MARCHF11: variants seen among roughly 807,000 people sequenced by gnomAD.
MARCHF11 encodes the protein E3 ubiquitin-protein ligase MARCHF11.
In MARCHF11, 29 loss-of-function variants were observed where a neutral mutation model predicts 37.3. That is an observed-to-expected ratio of 0.78 (90% CI 0.58 to 1.06). The LOEUF is 1.06. Ranked by LOEUF, MARCHF11 falls within the 50% of genes least tolerant of loss-of-function variation. MARCHF11 has a pLI of 0.00. For missense variants in MARCHF11, 482 were observed against 533.4 expected (o/e 0.90, Z 0.95); for synonymous variants, 233 against 228.0 (o/e 1.02, Z -0.20).
At chr5:16,119,503 G>A (rs1237395921) in intron 2 of MARCHF11, among the ~76,000 whole-genome samples, 1 of 152,044 alleles carries the variant, frequency 6.6e-6, no homozygotes, top group African/African-American at 2.4e-5. Context: ...TACCTCATCT[G>A]GTACCTCCAG....
intron 2 of MARCHF11, among the ~76,000 whole-genome samples, chr5:16,120,868 C>A (rs1579393531): frequency 6.6e-6 from 1 of 152,278 alleles, no homozygotes. Context: ...AGTGTCCTGG[C>A]AGCTTCTAGA....
chr5:16,070,916 A>C (rs919859556), intron 3 of MARCHF11, among the ~76,000 whole-genome samples: 9 of 152,130 alleles, frequency 5.9e-5, no homozygotes, highest in Non-Finnish European at 1.0e-4. Context: ...TTCCATTCCC[A>C]TTCCCAAGGC....
chr5:16,080,394 T>C (rs1441974322), intron 3 of MARCHF11, among the ~76,000 whole-genome samples: 1 of 152,126 alleles, frequency 6.6e-6, no homozygotes, highest in Non-Finnish European at 1.5e-5. Context: ...CTGCTGCTCC[T>C]CTCACCAAAG....
chr5:16,093,080 G>C (rs2126558322), intron 2 of MARCHF11, among the ~76,000 whole-genome samples: 1 of 152,222 alleles, frequency 6.6e-6, no homozygotes, highest in East Asian at 1.9e-4. Context: ...TTACCCTTTA[G>C]CAATTTATTA....
intron 2 of MARCHF11, among the ~76,000 whole-genome samples, chr5:16,096,437 C>T (rs1560973361): frequency 6.6e-6 from 1 of 152,130 alleles, no homozygotes; most frequent in Non-Finnish European, 1.5e-5. Context: ...CATGTAAGTG[C>T]CCAGAGATGT....
chr5:16,170,709 A>G (rs1738249064), intron 2 of MARCHF11, among the ~76,000 whole-genome samples: 1 of 152,176 alleles, frequency 6.6e-6, no homozygotes, highest in South Asian at 2.1e-4. Context: ...AATGAATGTC[A>G]GCAATATTGA....
chr5:16,133,384 C>T (rs572862974), intron 2 of MARCHF11, among the ~76,000 whole-genome samples: 25 of 152,188 alleles, frequency 1.6e-4, no homozygotes, highest in Admixed American at 3.3e-4. Context: ...ATCAGCCAGC[C>T]GCCAGTGCCC....
At chr5:16,087,575 C>A (rs1736719454) in intron 3 of MARCHF11, among the ~76,000 whole-genome samples, 2 of 152,138 alleles carry the variant, frequency 1.3e-5, no homozygotes, top group African/African-American at 2.4e-5. Flanking sequence ...ACTCAATGGC[C>A]AAATTTAGCT....
chr5:16,134,599 C>T (rs529617857), intron 2 of MARCHF11, among the ~76,000 whole-genome samples: 117 of 152,062 alleles, frequency 7.7e-4, no homozygotes, highest in Non-Finnish European at 1.4e-3. Flanking sequence ...TGAAATAAAA[C>T]AACAGAAGAA....
At chr5:16,075,942 C>T (rs961717698) in intron 3 of MARCHF11, among the ~76,000 whole-genome samples, 3 of 152,176 alleles carry the variant, frequency 2.0e-5, no homozygotes, top group Non-Finnish European at 4.4e-5. Flanking sequence ...CTGTCTCCTC[C>T]ACTGTCTTGC....
At chr5:16,107,333 G>GT (rs112606913) in intron 2 of MARCHF11, among the ~76,000 whole-genome samples, 35,019 of 145,334 alleles carry the variant, frequency 0.24, 4,592 homozygotes, top group African/African-American at 0.36. Flanking sequence ...AAGCACTATT[G>GT]TTTTTTTTTT....
At chr5:16,123,931 G>A (rs1041482220) in intron 2 of MARCHF11, among the ~76,000 whole-genome samples, 1 of 152,114 alleles carries the variant, frequency 6.6e-6, no homozygotes, top group South Asian at 2.1e-4. Flanking sequence ...ATGGATCAAT[G>A]GGATAGAACA....
rs74524863 is a variant in MARCHF11, at chr5:16,091,079, C to A, written c.696G>T (p.Trp232Cys). 1 of 1,571,922 alleles carries A rather than the reference C, an allele frequency of 6.4e-7. No individual in the cohort carries two copies. ...CAACCAGTGTTATAGAAATGCTCTG[C>A]CACTAAAAGAAAAACAGAGGCATGT... ...IAIKMKQPCQ[W>C]QSISITLVEK... is the part of the protein sequence containing the mutation. The change falls in exon 3 of 4, where the codon TGG becomes TGT. Residue 232 changes from tryptophan to cysteine, a missense_variant and splice_region_variant. By Grantham distance (215) the Trp-to-Cys change is radical. Coordinates refer to ENST00000332432, the MANE Select transcript of MARCHF11 (RefSeq NM_001102562.3).
rs56782867 is a variant in MARCHF11, at chr5:16,085,939, C to CAAAAAAAAAAAA, written c.886+4938_886+4949dup. Among the ~76,000 whole-genome samples, 31 of 40,968 alleles carry CAAAAAAAAAAAA rather than the reference C, an allele frequency of 7.6e-4. 4 individuals carry two copies. The highest frequency in any genetic ancestry group is 4.0e-3 in the South Asian group (3 of 752). The allele number at this position is 40,968 out of a possible 152,430, so 26.9% of individuals were successfully genotyped here. ...TGGGCGAAAGAGCAAGACTCCATCTCAAAAAAAAAAAAAAAAAAAAAAAAA... is the reference window on the plus strand; with the variant it reads ...TGGGCGAAAGAGCAAGACTCCATCTCAAAAAAAAAAAAAAAAAAAAAAAAAAAAAAAAAAAAA... On this transcript the variant is annotated intron_variant, in intron 3 of 3. Transcript: ENST00000332432.
At chr5:16,099,141 C>T (rs928215389) in intron 2 of MARCHF11, among the ~76,000 whole-genome samples, 4 of 151,998 alleles carry the variant, frequency 2.6e-5, no homozygotes, top group African/African-American at 9.7e-5. Context: ...GAATGCACAC[C>T]TATTAGAAAT....
chr5:16,151,359 G>A (rs1737883781), intron 2 of MARCHF11, among the ~76,000 whole-genome samples: 1 of 151,804 alleles, frequency 6.6e-6, no homozygotes, highest in Non-Finnish European at 1.5e-5. Context: ...TTTCAAACTT[G>A]CACAATTACA....
intron 2 of MARCHF11, among the ~76,000 whole-genome samples, chr5:16,151,422 T>A (rs781183503): frequency 1.3e-4 from 19 of 151,934 alleles, no homozygotes; most frequent in Non-Finnish European, 2.2e-4. Context: ...AGTTGCACAT[T>A]TTATACTCAC....
intron 2 of MARCHF11, among the ~76,000 whole-genome samples, chr5:16,093,621 A>G (rs987752591): frequency 6.6e-6 from 1 of 152,154 alleles, no homozygotes; most frequent in Admixed American, 6.5e-5. Context: ...AGGAGGGTGA[A>G]TGAATGAAGG....
intron 2 of MARCHF11, among the ~76,000 whole-genome samples, chr5:16,152,195 A>C (rs1438019760): frequency 6.6e-6 from 1 of 151,980 alleles, no homozygotes; most frequent in Non-Finnish European, 1.5e-5. Flanking sequence ...CTCAAGACGA[A>C]TATGTAACTG....
Sources: allele counts gnomAD v4.1 joint callset (sites outside exome capture counted in the v4.1 genomes callset), GRCh38; gene constraint gnomAD v4.1.1; transcripts MANE v1.5; gene names NCBI Gene and HGNC (gene_info 2026-07-23, HGNC 2026-07-21).